The following DOT1L variants were observed in gnomAD, a reference collection of about 807,000 sequenced individuals.
DOT1L encodes the protein DOT1 like histone lysine methyltransferase, also known as histone-lysine N-methyltransferase, H3 lysine-79 specific.
DOT1L carries 33 observed loss-of-function variants against 153.3 expected under a neutral mutation model. The ratio of observed to expected loss-of-function variants is 0.22; its 90% CI spans 0.16 to 0.29. The LOEUF is 0.29. DOT1L is among the 10% of genes least tolerant of loss of function. The pLI, the probability that DOT1L is intolerant of heterozygous loss-of-function variation, is 1.00. For synonymous variants in DOT1L, 1,135 were observed against 965.1 expected (o/e 1.18, Z -3.26); for missense variants, 1,847 against 2,119.9 (o/e 0.87, Z 2.53).
chr19:2,216,197 CT>C, intron 19 of DOT1L, 83 bp from the exon 20 acceptor site: 1 of 1,488,468 alleles, frequency 6.7e-7, no homozygotes, highest in East Asian at 2.3e-5. Context: ...CTGGCCACCC[CT>C]CCGGGTGTCC....
chr19:2,192,668 G>A (rs1293383641), intron 5 of DOT1L, among the ~76,000 whole-genome samples: 4 of 119,546 alleles, frequency 3.3e-5, no homozygotes, highest in South Asian at 2.7e-4. Context: ...GTGAGACTCC[G>A]TCTCAAAAAA....
intron 24 of DOT1L, among the ~76,000 whole-genome samples, 191 bp from the exon 25 acceptor site, chr19:2,223,088 GCT>G (rs2024189141): frequency 6.6e-6 from 1 of 151,934 alleles, no homozygotes; most frequent in Non-Finnish European, 1.5e-5. Flanking sequence ...GGCATGGGGG[GCT>G]CTGGGATTGC....
At chr19:2,186,991 G>A (rs533236444) in intron 3 of DOT1L, among the ~76,000 whole-genome samples, 2 of 152,348 alleles carry the variant, frequency 1.3e-5, no homozygotes, top group African/African-American at 2.4e-5. Context: ...GAGTTGGGGA[G>A]CACTAACCCC....
At chr19:2,200,251 G>A (rs765537214) in intron 8 of DOT1L, among the ~76,000 whole-genome samples, 8 of 152,084 alleles carry the variant, frequency 5.3e-5, no homozygotes, top group African/African-American at 9.7e-5. Context: ...CCTCCTCCCC[G>A]CTCAGGCTTG....
rs769797894 is a variant in DOT1L, at chr19:2,217,764, G to A, written c.2545-8G>A. ...ACCCACGACTGGGGGTCGGGCCTTC[G>A]TCTGCAGGGCCTGAGAGAGCGCGCC... is the stretch of plus-strand genomic sequence containing the variant. On this transcript the variant is annotated splice_polypyrimidine_tract_variant and splice_region_variant and intron_variant, in intron 21 of 27. Coordinates refer to ENST00000398665, the MANE Select transcript of DOT1L (RefSeq NM_032482.3). The surrounding 1 kb of genome is among the most constrained non-coding windows in gnomAD (Gnocchi z 7.3). 3.0e-5 allele frequency: 48 copies of A among 1,597,640 alleles called. No individual in the cohort carries two copies. Among genetic ancestry groups the A allele is most frequent in the East Asian group, 4.6e-5 (2 of 43,870 alleles).
At chr19:2,180,244 A>G (rs1473187525) in intron 1 of DOT1L, among the ~76,000 whole-genome samples, 2 of 152,234 alleles carry the variant, frequency 1.3e-5, no homozygotes, top group East Asian at 1.9e-4. Context: ...GCCTTTGCCA[A>G]CGCAGGACTC....
intron 1 of DOT1L, among the ~76,000 whole-genome samples, chr19:2,165,164 C>T (rs577115029): frequency 6.6e-6 from 1 of 152,182 alleles, no homozygotes; most frequent in African/African-American, 2.4e-5. Flanking sequence ...CCGGGCTGGG[C>T]AGGGCGCGTT....
At chr19:2,214,910 A>G (rs1172910060) in intron 19 of DOT1L, among the ~76,000 whole-genome samples, 1 of 151,930 alleles carries the variant, frequency 6.6e-6, no homozygotes, top group Non-Finnish European at 1.5e-5. Context: ...CATAGGGGAG[A>G]ATTTGCTCAT....
chr19:2,183,576 C>T (rs1011539274), intron 2 of DOT1L, among the ~76,000 whole-genome samples: 1 of 151,448 alleles, frequency 6.6e-6, no homozygotes, highest in Non-Finnish European at 1.5e-5. Flanking sequence ...TGCAGTTCAG[C>T]TTGGGGAAAG....
rs1283931377 is a variant in DOT1L, at chr19:2,222,621, C to T, written c.3390+62C>T. ...CTGTGAAAGAAAGACCAGAGGGAGA[C>T]CGGGCGCGGTGGCTCACGCCTGTAA... On this transcript the variant is annotated intron_variant, in intron 24 of 27. Coordinates refer to ENST00000398665, the MANE Select transcript of DOT1L (RefSeq NM_032482.3). This position sits in a 1 kb window ranked among gnomAD's most constrained non-coding sequence, Gnocchi z 6.5. 3.5e-6 allele frequency: 5 copies of T among 1,448,748 alleles called. No individual in the cohort carries two copies. The highest frequency in any genetic ancestry group is 4.6e-6 in the Non-Finnish European group (5 of 1,097,280). The allele number at this position is 1,448,748 out of a possible 1,614,324, so 89.7% of individuals were successfully genotyped here.
chr19:2,211,236 C>T (rs1049822162), intron 15 of DOT1L, 24 bp downstream of exon 15: 26 of 1,578,028 alleles, frequency 1.6e-5, no homozygotes, highest in Admixed American at 1.6e-4. Context: ...AGGCGTCCGG[C>T]GAAGGGTTCT....
At chr19:2,189,932 C>T (rs935528624) in intron 4 of DOT1L, 137 bp downstream of exon 4, 28 of 988,942 alleles carry the variant, frequency 2.8e-5, no homozygotes, top group Admixed American at 2.3e-4. Context: ...CGTGGGGGGA[C>T]GATGGGCTGT....
intron 3 of DOT1L, among the ~76,000 whole-genome samples, chr19:2,187,909 G>T (rs75867437): frequency 6.0e-4 from 82 of 137,762 alleles, no homozygotes; most frequent in Non-Finnish European, 1.1e-3. Flanking sequence ...GTGACAGAGC[G>T]AGACTCCATC....
At chr19:2,198,259 G>A (rs1191078436) in intron 7 of DOT1L, among the ~76,000 whole-genome samples, 1 of 152,220 alleles carries the variant, frequency 6.6e-6, no homozygotes, top group Non-Finnish European at 1.5e-5. Flanking sequence ...AATGAGGGAT[G>A]TTCAGAGGGT....
chr19:2,217,966 A>T lies in DOT1L; in HGVS notation c.2691+48A>T. On this transcript the variant is annotated intron_variant, in intron 22 of 27. Coordinates refer to ENST00000398665, the MANE Select transcript of DOT1L (RefSeq NM_032482.3). This position sits in a 1 kb window ranked among gnomAD's most constrained non-coding sequence, Gnocchi z 7.3. ...TCCCCAAGGGCCACGTTGAGGCAAAACAGTCTGGGGTGCTCGAGACCTGGC... is the reference window on the plus strand; with the variant it reads ...TCCCCAAGGGCCACGTTGAGGCAAATCAGTCTGGGGTGCTCGAGACCTGGC... The T allele has an allele frequency of 6.3e-7, 1 of 1,596,888 alleles. No individual in the cohort carries two copies. The highest frequency in any genetic ancestry group is 8.5e-7 in the Non-Finnish European group (1 of 1,174,612).
chr19:2,184,581 C>T (rs1428087486), intron 2 of DOT1L, among the ~76,000 whole-genome samples: 2 of 152,102 alleles, frequency 1.3e-5, no homozygotes, highest in African/African-American at 2.4e-5. Context: ...CCTGCAGAGC[C>T]GCAGGCCAGG....
intron 2 of DOT1L, among the ~76,000 whole-genome samples, chr19:2,181,431 C>G (rs2022226481): frequency 1.3e-5 from 2 of 152,208 alleles, no homozygotes; most frequent in Admixed American, 1.3e-4. Context: ...CCTGCAGCTG[C>G]CATAAGGGCC....
intron 1 of DOT1L, among the ~76,000 whole-genome samples, chr19:2,177,336 G>A (rs1350413907): frequency 6.6e-6 from 1 of 151,720 alleles, no homozygotes; most frequent in Admixed American, 6.6e-5. Context: ...TGCTCTTGTC[G>A]CCCAGGCTGG....
intron 8 of DOT1L, among the ~76,000 whole-genome samples, chr19:2,200,977 T>G (rs181327308): frequency 0.023 from 1,875 of 81,610 alleles, 56 homozygotes; most frequent in African/African-American, 0.06. Flanking sequence ...CGTCCTCCCC[T>G]CATTCCTCGT....
Sources: gnomAD v4.1 joint callset for allele counts (sites outside exome capture counted in the v4.1 genomes callset) on GRCh38, gnomAD v4.1.1 for gene constraint, Gnocchi (gnomAD v3.1) non-coding constraint, MANE v1.5 for transcripts, NCBI Gene and HGNC (gene_info 2026-07-23, HGNC 2026-07-21) for gene names.